AURKC: variants seen among roughly 807,000 people sequenced by gnomAD.
The protein encoded by AURKC is aurora kinase C.
A neutral mutation model predicts 29.2 loss-of-function variants in AURKC; 15 were observed. The observed-to-expected ratio is 0.51, with a 90% CI of 0.34 to 0.79. The LOEUF (loss-of-function observed/expected upper bound fraction) is 0.79, where lower values mean the gene tolerates loss of function less well. Ranked by LOEUF, AURKC falls within the 30% of genes least tolerant of loss-of-function variation. The pLI is 0.01. For synonymous variants in AURKC, 150 were observed against 149.9 expected (o/e 1.00, Z -0.01); for missense variants, 332 against 383.2 (o/e 0.87, Z 1.12).
At chr19:57,234,107 G>C (rs935837922) in intron 5 of AURKC, among the ~76,000 whole-genome samples, 1 of 131,436 alleles carries the variant, frequency 7.6e-6, no homozygotes, top group South Asian at 2.3e-4. Context: ...GCCCAGGCTA[G>C]ATTGCAATAG....
Position 57,231,224 on chromosome 19 carries a change from G to C in AURKC, c.-25G>C. The C allele has an allele frequency of 1.3e-6, 2 of 1,551,660 alleles. No homozygotes were observed. Among genetic ancestry groups the C allele is most frequent in the Non-Finnish European group, 1.7e-6 (2 of 1,147,000 alleles). On this transcript the variant is annotated 5_prime_UTR_variant, in exon 1 of 7. Coordinates refer to ENST00000302804, the MANE Select transcript of AURKC (RefSeq NM_001015878.2). ...AGCCATCCAGAGGGTTCAGGAAGGC[G>C]TCCGCGCCCTCACCTCTTCTCCCCA...
Position 57,232,077 on chromosome 19 carries a change from G to A in AURKC, c.149G>A (p.Gly50Asp). ...GACTTTGAAATCGGGCGTCCCCTGG[G>A]CAAGGGGAAATTTGGGAATGTGTAC... ...VDDFEIGRPLGKGKFGNVYLA... is the reference protein window; with the variant it reads ...VDDFEIGRPLDKGKFGNVYLA... The change falls in exon 3 of 7, where the codon GGC becomes GAC. Residue 50 changes from glycine (G) to aspartate (D), a missense_variant. By Grantham distance (94) the Gly-to-Asp change is moderately conservative. Transcript: ENST00000302804. The surrounding 1 kb of genome is among the most constrained non-coding windows in gnomAD (Gnocchi z 4.5). 6.2e-7 allele frequency: 1 copy of A among 1,614,138 alleles called. No individual in the cohort carries two copies. The highest frequency in any genetic ancestry group is 1.1e-5 in the South Asian group (1 of 91,076).
In AURKC at chr19:57,232,574, T is replaced by G. The variant is rs1485365631; in HGVS notation, c.329T>G (p.Phe110Cys). ...AATATCCTGCGCCTGTATAACTATT[T>G]CCATGATGCACGCCGGGTGTACCTG... is the stretch of plus-strand genomic sequence containing the variant. ...HPNILRLYNY[F>C]HDARRVYLIL... Residue 110 changes from phenylalanine to cysteine, a missense_variant, in exon 4 of 7, where the codon TTC becomes TGC. Phe to Cys is a radical substitution (Grantham distance 205). Coordinates refer to ENST00000302804, the MANE Select transcript of AURKC (RefSeq NM_001015878.2). This position sits in a 1 kb window ranked among gnomAD's most constrained non-coding sequence, Gnocchi z 4.5. 7 of 1,614,070 alleles carry G rather than the reference T, an allele frequency of 4.3e-6. No individual in the cohort carries two copies. In the Admixed American group the frequency reaches 1.0e-4, roughly 23 times the overall value.
intron 1 of AURKC, 162 bp from the exon 2 acceptor site, chr19:57,231,580 C>G: frequency 1.2e-6 from 1 of 819,616 alleles, no homozygotes. Context: ...CTCTCCCTCC[C>G]CCTCTCCCTG....
Position 57,233,543 on chromosome 19 carries a change from G to T in AURKC, c.519G>T (p.Leu173=), listed in dbSNP as rs1362254258. 1 of 1,614,188 alleles carries T rather than the reference G, an allele frequency of 6.2e-7. No individual in the cohort carries two copies. The highest frequency in any genetic ancestry group is 1.3e-5 in the African/African-American group (1 of 75,048). The change falls in exon 5 of 7, where the codon CTG becomes CTT. Residue 173 remains leucine (L), a synonymous_variant. Transcript: ENST00000302804. ...IHRDIKPENL[L]LGFRGEVKIA... is the part of the protein sequence containing the mutation. ...GAGATATTAAGCCAGAGAACCTGCT[G>T]CTGGGGTTCAGGGGTGAGGTGAAGA...
Position 57,235,249 on chromosome 19 carries a change from A to G in AURKC, c.762A>G (p.Val254=), listed in dbSNP as rs55898757. The G allele has an allele frequency of 1.5e-4, 239 of 1,614,228 alleles. 4 individuals carry two copies. The Middle Eastern group carries it at 0.01, about 70-fold the overall frequency. The change falls in exon 7 of 7, where the codon GTA becomes GTG. Residue 254 remains valine (V), a splice_region_variant and synonymous_variant. Transcript: ENST00000302804. ...HSETYRRILK[V]DVRFPLSMPL... ...TTCTTCTTTCCTGGCCTCATCAGGTAGATGTGAGGTTTCCACTATCAATGC... is the reference window on the plus strand; with the variant it reads ...TTCTTCTTTCCTGGCCTCATCAGGTGGATGTGAGGTTTCCACTATCAATGC...
Position 57,231,114 on chromosome 19 carries a change from A to G in AURKC, c.-135A>G, listed in dbSNP as rs1477255061. The G allele has an allele frequency of 5.0e-5, 75 of 1,498,674 alleles. No homozygotes were observed. Among genetic ancestry groups the G allele is most frequent in the Admixed American group, 8.7e-5 (4 of 45,762 alleles). 92.8% of individuals were successfully genotyped at this position (1,498,674 alleles called of 1,614,324 possible). On this transcript the variant is annotated 5_prime_UTR_variant, in exon 1 of 7. Transcript: ENST00000302804. ...GAAGCCTGTGTAGCAGTGAGACATC[A>G]GTGAGGCTGCAGGACGAGCAGGATT...
rs140452971 is a variant in AURKC, at chr19:57,231,163, A to ACC, written c.-81_-80dup. The ACC allele has an allele frequency of 5.2e-6, 8 of 1,547,408 alleles. No homozygotes were observed. The East Asian group carries it at 1.7e-4, about 33-fold the overall frequency. On this transcript the variant is annotated 5_prime_UTR_variant, in exon 1 of 7. Transcript: ENST00000302804. ...TTGGAAGCGCCCCGGCCAGAAAGTG[A>ACC]CCCCCCACCCCTTTCAGGACCCTGT...
Position 57,234,941 on chromosome 19 carries a change from A to G in AURKC, c.642A>G (p.Arg214=). Residue 214 remains arginine (R), a synonymous_variant, in exon 6 of 7, where the codon AGA becomes AGG. Coordinates refer to ENST00000302804, the MANE Select transcript of AURKC (RefSeq NM_001015878.2). ...TGCCGCCAGAAATGATTGAGGGGAG[A>G]ACATATGATGAAAAGGTGGATTTGT... is the stretch of plus-strand genomic sequence containing the variant. ...DYLPPEMIEG[R]TYDEKVDLWC... 6.2e-7 allele frequency: 1 copy of G among 1,614,136 alleles called. No individual in the cohort carries two copies. Among genetic ancestry groups the G allele is most frequent in the Non-Finnish European group, 8.5e-7 (1 of 1,180,028 alleles).
At chr19:57,233,074 C>T (rs1442982620) in intron 4 of AURKC, among the ~76,000 whole-genome samples, 1 of 152,168 alleles carries the variant, frequency 6.6e-6, no homozygotes, top group African/African-American at 2.4e-5. Flanking sequence ...CAATGATTTT[C>T]CCAGGAGCAA....
In AURKC at chr19:57,231,069, C is replaced by T. The variant is rs1236800707; in HGVS notation, c.-180C>T. On this transcript the variant is annotated 5_prime_UTR_variant, in exon 1 of 7. Transcript: ENST00000302804. ...AAAGAAGGCCGCGCAGCCACGGCTG[C>T]TCACGACGCCGCGGATCCCGAAGCC... 1.4e-6 allele frequency: 2 copies of T among 1,443,114 alleles called. No homozygotes were observed. The highest frequency in any genetic ancestry group is 1.9e-6 in the Non-Finnish European group (2 of 1,047,034). 89.4% of individuals were successfully genotyped at this position (1,443,114 alleles called of 1,614,324 possible). A position where few individuals can be genotyped will look rare whatever the true frequency, so the allele number is the denominator to read the frequency against.
rs749123022 is a variant in AURKC, at chr19:57,231,759, A to ACAGCCCAG, written c.94_101dup (p.Met35AlafsTer40). ...TCTTTCAGTGGCTACAGCAAACCAA[A>ACAGCCCAG]CAGCCCAGCAGCCCAGCAGCCCAGC... On this transcript the variant is annotated frameshift_variant, in exon 2 of 7. Coordinates refer to ENST00000302804, the MANE Select transcript of AURKC (RefSeq NM_001015878.2). LOFTEE classifies it high-confidence loss of function. 2.4e-4 allele frequency: 380 copies of ACAGCCCAG among 1,613,322 alleles called. No homozygotes were observed. The highest frequency in any genetic ancestry group is 3.0e-4 in the Admixed American group (18 of 59,882).
intron 4 of AURKC, 114 bp from the exon 5 acceptor site, chr19:57,233,346 G>A: frequency 6.8e-7 from 1 of 1,473,596 alleles, no homozygotes; most frequent in Non-Finnish European, 9.5e-7. Flanking sequence ...AGGAAATGGA[G>A]TTACTGGACC....
Position 57,235,453 on chromosome 19 carries a change from G to A in AURKC, c.*36G>A, listed in dbSNP as rs1433755744. Reference sequence around the variant, plus strand: ...CCTCTGTTCCCTTTGTGTGTGTTCAGGGAGCTCTCCTGGCTCTGCCACCTC... The same window carrying A: ...CCTCTGTTCCCTTTGTGTGTGTTCAAGGAGCTCTCCTGGCTCTGCCACCTC... On this transcript the variant is annotated 3_prime_UTR_variant, in exon 7 of 7. Coordinates refer to ENST00000302804, the MANE Select transcript of AURKC (RefSeq NM_001015878.2). 2 of 1,612,002 alleles carry A rather than the reference G, an allele frequency of 1.2e-6. No homozygotes were observed. The highest frequency in any genetic ancestry group is 1.7e-6 in the Non-Finnish European group (2 of 1,179,526).
In AURKC at chr19:57,235,377, C is replaced by G; in HGVS notation, c.890C>G (p.Ser297Cys). 1 of 1,614,094 alleles carries G rather than the reference C, an allele frequency of 6.2e-7. No individual in the cohort carries two copies. The highest frequency in any genetic ancestry group is 8.5e-7 in the Non-Finnish European group (1 of 1,180,034). The change falls in exon 7 of 7, where the codon TCC becomes TGC. Residue 297 changes from serine (S) to cysteine (C), a missense_variant. Physicochemically the swap from Ser to Cys is moderately radical, Grantham distance 112. Transcript: ENST00000302804. ...AAGCACCCCTGGGTTCAGGCCCACTCCCGAAGGGTGCTGCCTCCCTGTGCT... is the reference window on the plus strand; with the variant it reads ...AAGCACCCCTGGGTTCAGGCCCACTGCCGAAGGGTGCTGCCTCCCTGTGCT... ...ILKHPWVQAH[S>C]RRVLPPCAQM...
chr19:57,232,018 T>A lies in AURKC; in HGVS notation c.105-15T>A. The A allele has an allele frequency of 6.2e-7, 1 of 1,614,058 alleles. No individual in the cohort carries two copies. The highest frequency in any genetic ancestry group is 8.5e-7 in the Non-Finnish European group (1 of 1,180,004). On this transcript the variant is annotated splice_polypyrimidine_tract_variant and intron_variant, in intron 2 of 6. Transcript: ENST00000302804. This position sits in a 1 kb window ranked among gnomAD's most constrained non-coding sequence, Gnocchi z 4.5. ...TACCTCCCAAGCTGAGGCTTTTTTC[T>A]TCCTCTCCTGTCAGGCGGCGCCTCA...
Position 57,232,611 on chromosome 19 carries a change from T to C in AURKC, c.366T>C (p.Tyr122=). 1 of 1,614,136 alleles carries C rather than the reference T, an allele frequency of 6.2e-7. No individual in the cohort carries two copies. The highest frequency in any genetic ancestry group is 8.5e-7 in the Non-Finnish European group (1 of 1,180,040). ...DARRVYLILE[Y]APRGELYKEL... is the part of the protein sequence containing the mutation. ...GCCGGGTGTACCTGATTCTGGAATA[T>C]GCTCCAAGGGGTGAGCTCTACAAGG... The change falls in exon 4 of 7, where the codon TAT becomes TAC. Residue 122 remains tyrosine (Y), a synonymous_variant. Coordinates refer to ENST00000302804, the MANE Select transcript of AURKC (RefSeq NM_001015878.2). This position sits in a 1 kb window ranked among gnomAD's most constrained non-coding sequence, Gnocchi z 4.5.
rs756195705 is a variant in AURKC, at chr19:57,232,558, C to T, written c.313C>T (p.Arg105Cys). ...QAHLQHPNIL[R>C]LYNYFHDARR... ...ATCCTTCAGACACCCCAATATCCTG[C>T]GCCTGTATAACTATTTCCATGATGC... Residue 105 changes from arginine to cysteine, a missense_variant, in exon 4 of 7, where the codon CGC (arginine) becomes TGC (cysteine). By Grantham distance (180) the Arg-to-Cys change is radical. Coordinates refer to ENST00000302804, the MANE Select transcript of AURKC (RefSeq NM_001015878.2). The surrounding 1 kb of genome is among the most constrained non-coding windows in gnomAD (Gnocchi z 4.5). The T allele has an allele frequency of 1.4e-5, 22 of 1,613,996 alleles. No homozygotes were observed. The highest frequency in any genetic ancestry group is 2.2e-5 in the East Asian group (1 of 44,894).
intron 5 of AURKC, 148 bp from the exon 6 acceptor site, chr19:57,234,736 A>T: frequency 4.9e-6 from 4 of 820,080 alleles, no homozygotes; most frequent in Non-Finnish European, 7.7e-6. Context: ...GATCCATATT[A>T]AAAATTTGTC....
Sources: gnomAD v4.1 joint callset for allele counts (sites outside exome capture counted in the v4.1 genomes callset) on GRCh38, gnomAD v4.1.1 for gene constraint, Gnocchi (gnomAD v3.1) non-coding constraint, MANE v1.5 for transcripts, NCBI Gene and HGNC (gene_info 2026-07-23, HGNC 2026-07-21) for gene names.